PARG: variants seen among roughly 807,000 people sequenced by gnomAD.
PARG encodes poly(ADP-ribose) glycohydrolase, also known as mitochondrial poly(ADP-ribose) glycohydrolase.
A neutral mutation model predicts 113.0 loss-of-function variants in PARG; 35 were observed. That is an observed-to-expected ratio of 0.31 (90% confidence interval 0.24 to 0.41). The LOEUF (loss-of-function observed/expected upper bound fraction) is 0.41, where lower values mean the gene tolerates loss of function less well. PARG is among the 10% of genes least tolerant of loss of function. The pLI is 1.00. For synonymous variants in PARG, 330 were observed against 409.9 expected (o/e 0.81, Z 2.36); for missense variants, 797 against 1,169.4 (o/e 0.68, Z 4.64).
At chr10:49,848,751 T>C (rs1487843688) in intron 13 of PARG, among the ~76,000 whole-genome samples, 2 of 152,056 alleles carry the variant, frequency 1.3e-5, no homozygotes, top group Non-Finnish European at 2.9e-5. Context: ...ATAGTAGCAA[T>C]GAATAATTAA....
At position 49,933,341 on chromosome 10, in the gene PARG, T is replaced by C. The variant is rs2132976285; in HGVS notation, c.1107A>G (p.Gln369=). The C allele has an allele frequency of 1.9e-6, 3 of 1,612,748 alleles. No individual in the cohort carries two copies. Among genetic ancestry groups the C allele is most frequent in the Non-Finnish European group, 2.5e-6 (3 of 1,178,842 alleles). Reference sequence around the variant, plus strand: ...CAGTGCGACTCTCTCCTCCTTCAAATTGGAAATGTAATCTAACTTCACCGC... The same window carrying C: ...CAGTGCGACTCTCTCCTCCTTCAAACTGGAAATGTAATCTAACTTCACCGC... The part of the protein sequence containing the change: ...TKGGEVRLHF[Q]FEGGESRTGM... The change falls in exon 3 of 18, where the codon CAA becomes CAG. Residue 369 remains glutamine, a synonymous_variant. Transcript: ENST00000616448.
At chr10:49,892,822 CT>C (rs1847875302) in intron 7 of PARG, among the ~76,000 whole-genome samples, 1 of 152,186 alleles carries the variant, frequency 6.6e-6, no homozygotes, top group East Asian at 1.9e-4. Flanking sequence ...TGGCTCACCC[CT>C]GTGATCCCAG....
intron 16 of PARG, among the ~76,000 whole-genome samples, chr10:49,827,848 T>G (rs897500308): frequency 6.6e-6 from 1 of 152,106 alleles, no homozygotes; most frequent in Non-Finnish European, 1.5e-5. Flanking sequence ...TAATTGACTA[T>G]GTTAGGCCAT....
chr10:49,907,857 C>T (rs1275449256), intron 7 of PARG, among the ~76,000 whole-genome samples: 1 of 152,138 alleles, frequency 6.6e-6, no homozygotes, highest in African/African-American at 2.4e-5. Flanking sequence ...ATCTTCACTC[C>T]TCTAACAGTA....
intron 6 of PARG, among the ~76,000 whole-genome samples, chr10:49,917,483 C>CT (rs1554847962): frequency 3.6e-4 from 37 of 102,460 alleles, no homozygotes; most frequent in East Asian, 5.5e-4. Context: ...AGCGAGACTC[C>CT]GTCTCAAAAA....
In PARG at chr10:49,820,199, C is replaced by T. The variant is rs1416151630; in HGVS notation, c.2742G>A (p.Met914Ile). ...GTTTCCTTTCAGTAAGGAAAATGTG[C>T]ATGCTGTAAATGTCTCTCATCAATT... ...DSELMRDIYS[M>I]HIFLTERKLT... is the part of the protein sequence containing the mutation. The change falls in exon 17 of 18, where the codon ATG becomes ATA. Residue 914 changes from methionine (M) to isoleucine (I), a missense_variant. Coordinates refer to ENST00000616448, the MANE Select transcript of PARG (RefSeq NM_003631.5). 12 of 1,546,464 alleles carry T rather than the reference C, an allele frequency of 7.8e-6. No individual in the cohort carries two copies. In the Admixed American group the frequency reaches 9.8e-5, roughly 13 times the overall value.
intron 7 of PARG, among the ~76,000 whole-genome samples, chr10:49,915,489 G>A (rs2132844062): frequency 6.6e-6 from 1 of 152,098 alleles, no homozygotes; most frequent in Admixed American, 6.5e-5. Context: ...CAAATGTTTT[G>A]TGCCCTTTGA....
intron 7 of PARG, among the ~76,000 whole-genome samples, chr10:49,888,028 T>C (rs189465463): frequency 8.1e-4 from 124 of 152,324 alleles, no homozygotes; most frequent in African/African-American, 2.9e-3. Context: ...TCTGACTGCA[T>C]CTCTTTGAAT....
intron 6 of PARG, among the ~76,000 whole-genome samples, chr10:49,919,955 T>A (rs1387429831): frequency 6.6e-6 from 1 of 152,168 alleles, no homozygotes; most frequent in African/African-American, 2.4e-5. Context: ...CTTTATGTAG[T>A]ATTTTAAAGA....
Position 49,876,940 on chromosome 10 carries a change from T to TA in PARG, c.1988+2732dup, listed in dbSNP as rs544298585. ...ATGTAACCAAGGAGCATATTATATATAAAAAAAAAAAACTATCCTGTTTGC... is the reference window on the plus strand; with the variant it reads ...ATGTAACCAAGGAGCATATTATATATAAAAAAAAAAAAACTATCCTGTTTGC... On this transcript the variant is annotated intron_variant, in intron 9 of 17. Transcript: ENST00000616448. 6.9e-3 allele frequency among the ~76,000 whole-genome samples: 997 copies of TA among 145,438 alleles called. 3 individuals carry two copies. Among genetic ancestry groups the TA allele is most frequent in the Middle Eastern group, 0.018 (5 of 280 alleles).
intron 7 of PARG, among the ~76,000 whole-genome samples, chr10:49,906,855 T>C (rs1401094092): frequency 8.6e-5 from 13 of 151,900 alleles, no homozygotes; most frequent in African/African-American, 2.4e-4. Flanking sequence ...CTGCAACAGA[T>C]AGAAGTGTCC....
chr10:49,937,888 A>C lies in PARG; in HGVS notation c.218-2746T>G, dbSNP rs1234067962. 9.8e-5 allele frequency among the ~76,000 whole-genome samples: 15 copies of C among 152,350 alleles called. No homozygotes were observed. The East Asian group carries it at 2.5e-3, about 25-fold the overall frequency. On this transcript the variant is annotated intron_variant, in intron 1 of 17. Coordinates refer to ENST00000616448, the MANE Select transcript of PARG (RefSeq NM_003631.5). Reference sequence around the variant, plus strand: ...TAGGGCCTCAGAGAAAGGACTGCTTACTGCTCTTTGCAATATCACTGTTTC... The same window carrying C: ...TAGGGCCTCAGAGAAAGGACTGCTTCCTGCTCTTTGCAATATCACTGTTTC...
At chr10:49,902,461 G>C (rs1848387517) in intron 7 of PARG, among the ~76,000 whole-genome samples, 1 of 152,164 alleles carries the variant, frequency 6.6e-6, no homozygotes, top group South Asian at 2.1e-4. Flanking sequence ...GGGAATTAAA[G>C]AGGTAAATGG....
intron 1 of PARG, among the ~76,000 whole-genome samples, chr10:49,936,767 T>C (rs1322148348): frequency 6.6e-6 from 1 of 152,166 alleles, no homozygotes; most frequent in African/African-American, 2.4e-5. Context: ...GCAAAACAGA[T>C]GCAGGCTCAA....
intron 7 of PARG, among the ~76,000 whole-genome samples, chr10:49,902,771 G>A (rs1231467547): frequency 2.0e-5 from 3 of 152,104 alleles, no homozygotes; most frequent in Non-Finnish European, 2.9e-5. Context: ...CGGGAGGATC[G>A]CTTAAGGGCA....
At chr10:49,920,807 T>A (rs782618964) in intron 6 of PARG, among the ~76,000 whole-genome samples, 6 of 152,012 alleles carry the variant, frequency 3.9e-5, no homozygotes, top group Non-Finnish European at 7.4e-5. Flanking sequence ...TTGCTGGTAT[T>A]GCTGGAGGCA....
At position 49,891,543 on chromosome 10, in the gene PARG, C is replaced by T. The variant is rs189885417; in HGVS notation, c.1738-6248G>A. On this transcript the variant is annotated intron_variant, in intron 7 of 17. Coordinates refer to ENST00000616448, the MANE Select transcript of PARG (RefSeq NM_003631.5). ...ATTTTTCAATAAGAAGTACACCACT[C>T]CAAAACCTAAATAGCAAAGAGGAAA... Among the ~76,000 whole-genome samples the T allele has an allele frequency of 7.9e-3, 1,099 of 139,448 alleles. 11 individuals are homozygous for T. The highest frequency in any genetic ancestry group is 0.027 in the African/African-American group (1,025 of 37,644). 91.5% of individuals were successfully genotyped at this position (139,448 alleles called of 152,430 possible). A position where few individuals can be genotyped will look rare whatever the true frequency, so the allele number is the denominator to read the frequency against.
intron 7 of PARG, among the ~76,000 whole-genome samples, chr10:49,910,976 C>T (rs1459479776): frequency 8.6e-5 from 13 of 151,994 alleles, no homozygotes; most frequent in Admixed American, 6.6e-4. Context: ...AACAGTGCCA[C>T]AGGTGTTGTA....
At chr10:49,883,596 C>T (rs1418449359) in intron 8 of PARG, among the ~76,000 whole-genome samples, 2 of 148,646 alleles carry the variant, frequency 1.3e-5, no homozygotes, top group African/African-American at 2.5e-5. Flanking sequence ...GTCAGGAGTT[C>T]GAGACCAGCC....
Sources: gnomAD v4.1 joint callset for allele counts (sites outside exome capture counted in the v4.1 genomes callset) on GRCh38, gnomAD v4.1.1 for gene constraint, MANE v1.5 for transcripts, NCBI Gene and HGNC (gene_info 2026-07-23, HGNC 2026-07-21) for gene names.